The following VPS13D variants were observed in gnomAD, a reference collection of about 807,000 sequenced individuals.
VPS13D encodes the protein vacuolar protein sorting 13 homolog D.
VPS13D carries 187 observed loss-of-function variants against 461.9 expected under a neutral mutation model. That is an observed-to-expected ratio of 0.40 (90% CI 0.36 to 0.46). The LOEUF is 0.46. Among genes scored for constraint, VPS13D ranks in the 20% least tolerant of loss-of-function variants. The probability of loss-of-function intolerance (pLI) is 0.60; values close to 1 mark genes in which losing one functional copy is unlikely to be tolerated. For synonymous variants in VPS13D, 1,951 were observed against 1,986.3 expected (o/e 0.98, Z 0.47); for missense variants, 4,711 against 5,364.9 (o/e 0.88, Z 3.81).
intron 17 of VPS13D, among the ~76,000 whole-genome samples, 153 bp downstream of exon 17, chr1:12,271,277 T>C (rs539019282): frequency 1.3e-5 from 2 of 152,244 alleles, no homozygotes; most frequent in Non-Finnish European, 2.9e-5. Flanking sequence ...TAGCATAGAA[T>C]AGAATCTTGT....
At chr1:12,396,401 GA>G (rs1262369800) in intron 60 of VPS13D, among the ~76,000 whole-genome samples, 2 of 152,090 alleles carry the variant, frequency 1.3e-5, no homozygotes, top group African/African-American at 4.8e-5. Context: ...TCGGAGTTCT[GA>G]AAAAGTCGAC....
chr1:12,338,391 G>A, intron 40 of VPS13D, 86 bp downstream of exon 40: 1 of 1,187,204 alleles, frequency 8.4e-7, no homozygotes, highest in Non-Finnish European at 1.2e-6. Flanking sequence ...ATGAGTGGGA[G>A]TTGAATTGGG....
chr1:12,338,258 G>A lies in VPS13D; in HGVS notation c.8579G>A (p.Arg2860Lys), dbSNP rs766758479. The change falls in exon 40 of 70, where the codon AGG (arginine) becomes AAG (lysine). Residue 2860 changes from arginine (R) to lysine (K), a missense_variant. Physicochemically the swap from Arg to Lys is conservative, Grantham distance 26. This residue lies in a region of VPS13D where 4,411 missense variants were observed against 4,937.8 expected (regional missense o/e 0.89). Transcript: ENST00000620676. The part of the protein sequence containing the change: ...QSLPLVYLRT[R>K]STASLTNLEH... ...CTCCCCCTTGTCTACCTTAGAACTAGGAGTACAGCCAGTCTGACTAACCTA... is the reference window on the plus strand; with the variant it reads ...CTCCCCCTTGTCTACCTTAGAACTAAGAGTACAGCCAGTCTGACTAACCTA... 2.5e-6 allele frequency: 4 copies of A among 1,613,660 alleles called. No individual in the cohort carries two copies. The highest frequency in any genetic ancestry group is 3.4e-6 in the Non-Finnish European group (4 of 1,179,746).
chr1:12,255,551 C>CT (rs967054700), intron 7 of VPS13D, among the ~76,000 whole-genome samples: 8 of 148,634 alleles, frequency 5.4e-5, no homozygotes, highest in South Asian at 2.1e-4. Context: ...GATATTTGAC[C>CT]TTTTTTTTTT....
intron 65 of VPS13D, among the ~76,000 whole-genome samples, chr1:12,429,082 G>C (rs1200857976): frequency 6.6e-6 from 1 of 151,876 alleles, no homozygotes; most frequent in Non-Finnish European, 1.5e-5. Flanking sequence ...ACCCTGTGGA[G>C]GGGGGCCAGG....
chr1:12,325,139 A>G (rs1643146404), intron 35 of VPS13D, among the ~76,000 whole-genome samples: 1 of 152,152 alleles, frequency 6.6e-6, no homozygotes, highest in Non-Finnish European at 1.5e-5. Context: ...GCTGGAATGC[A>G]ATCATAGCTG....
chr1:12,267,028 G>A lies in VPS13D; in HGVS notation c.1725+17G>A. On this transcript the variant is annotated intron_variant, in intron 14 of 69. Transcript: ENST00000620676. ...CCTAATCCAGTATGTACAACAGTTG[G>A]ATAGTTAATGTATCTAAGGTGTTGG... is the stretch of plus-strand genomic sequence containing the variant. The A allele has an allele frequency of 6.4e-7, 1 of 1,551,632 alleles. No individual in the cohort carries two copies. Among genetic ancestry groups the A allele is most frequent in the East Asian group, 2.3e-5 (1 of 43,602 alleles).
chr1:12,252,661 A>G (rs781570234), intron 6 of VPS13D, among the ~76,000 whole-genome samples: 5 of 151,908 alleles, frequency 3.3e-5, no homozygotes, highest in Admixed American at 6.6e-5. Context: ...AGTCCCAGCT[A>G]CTTGGGAGGC....
At position 12,314,184 on chromosome 1, in the gene VPS13D, T is replaced by A; in HGVS notation, c.7005T>A (p.Val2335=). 6.2e-7 allele frequency: 1 copy of A among 1,614,202 alleles called. No homozygotes were observed. Among genetic ancestry groups the A allele is most frequent in the Non-Finnish European group, 8.5e-7 (1 of 1,180,024 alleles). The part of the protein sequence containing the change: ...FSNQTKSINL[V]SHSMMAFDTR... ...ACCAAACCAAGTCCATTAACTTGGT[T>A]TCCCATTCCATGATGGCTTTTGACA... is the stretch of plus-strand genomic sequence containing the variant. Residue 2335 remains valine (V), a synonymous_variant, in exon 30 of 70, where the codon GTT becomes GTA. Transcript: ENST00000620676.
intron 2 of VPS13D, among the ~76,000 whole-genome samples, chr1:12,242,201 G>A (rs1211008023): frequency 1.3e-5 from 2 of 152,174 alleles, no homozygotes; most frequent in South Asian, 2.1e-4. Context: ...TCTCATGTAC[G>A]TGTTAGAGCG....
rs1392181872 is a variant in VPS13D, at chr1:12,511,223, C to G, written c.*2199C>G. The G allele has an allele frequency of 6.6e-6, 1 of 152,100 alleles. No homozygotes were observed. The highest frequency in any genetic ancestry group is 1.5e-5 in the Non-Finnish European group (1 of 68,022). The allele number at this position is 152,100 out of a possible 1,614,324, so 9.4% of individuals were successfully genotyped here. On this transcript the variant is annotated 3_prime_UTR_variant, in exon 70 of 70. Coordinates refer to ENST00000620676, the MANE Select transcript of VPS13D (RefSeq NM_015378.4). This position sits in a 1 kb window ranked among gnomAD's most constrained non-coding sequence, Gnocchi z 4.5. The stretch of plus-strand genomic sequence containing the variant: ...CTGCCCATCTCCTGTGATTGCACAA[C>G]CAAGCACTTTGACATTTGCACCTTA...
chr1:12,328,752 C>A (rs762049951), intron 36 of VPS13D, among the ~76,000 whole-genome samples: 1 of 152,124 alleles, frequency 6.6e-6, no homozygotes, highest in Non-Finnish European at 1.5e-5. Flanking sequence ...GTTGGTCAGG[C>A]CTGTCTCGAC....
Position 12,277,836 on chromosome 1 carries a change from A to C in VPS13D, c.4248A>C (p.Glu1416Asp). The C allele has an allele frequency of 6.2e-7, 1 of 1,614,060 alleles. No individual in the cohort carries two copies. Among genetic ancestry groups the C allele is most frequent in the Non-Finnish European group, 8.5e-7 (1 of 1,179,966 alleles). ...AGAATTTTGTGGCGGGAGATGATGAATCCAGAAGTGACCGTCTGCAGGTGG... is the reference window on the plus strand; with the variant it reads ...AGAATTTTGTGGCGGGAGATGATGACTCCAGAAGTGACCGTCTGCAGGTGG... ...FIQNFVAGDD[E>D]SRSDRLQVEI... The change falls in exon 19 of 70, where the codon GAA (glutamate) becomes GAC (aspartate). Residue 1416 changes from glutamate to aspartate, a missense_variant. Physicochemically the swap from Glu to Asp is conservative, Grantham distance 45. Coordinates refer to ENST00000620676, the MANE Select transcript of VPS13D (RefSeq NM_015378.4).
At chr1:12,416,881 G>C (rs1644800619) in intron 65 of VPS13D, 54 bp downstream of exon 65, 11 of 1,502,322 alleles carry the variant, frequency 7.3e-6, no homozygotes, top group Non-Finnish European at 8.9e-6. Context: ...GTCCTCTACA[G>C]TACTACAATT....
intron 54 of VPS13D, among the ~76,000 whole-genome samples, chr1:12,370,635 C>T (rs898043683): frequency 6.6e-5 from 10 of 152,062 alleles, no homozygotes; most frequent in Admixed American, 2.0e-4. Context: ...CCTTTGGGAA[C>T]GATGGTGCTA....
At chr1:12,365,014 A>C (rs1044918400) in intron 52 of VPS13D, among the ~76,000 whole-genome samples, 1 of 152,176 alleles carries the variant, frequency 6.6e-6, no homozygotes, top group Non-Finnish European at 1.5e-5. Flanking sequence ...TTTATTGAAA[A>C]GACTCTCCTT....
intron 2 of VPS13D, 61 bp from the exon 3 acceptor site, chr1:12,242,452 A>G: frequency 6.9e-7 from 1 of 1,449,776 alleles, no homozygotes. Flanking sequence ...TGCTTTACAC[A>G]CAGTAGGTGG....
At chr1:12,240,424 GTC>G (rs920077451) in intron 2 of VPS13D, among the ~76,000 whole-genome samples, 3 of 151,830 alleles carry the variant, frequency 2.0e-5, no homozygotes, top group Admixed American at 6.6e-5. Flanking sequence ...GTGAAACCCT[GTC>G]TCTACTAAAA....
chr1:12,362,909 C>A (rs1643971944), intron 51 of VPS13D, 59 bp downstream of exon 51: 26 of 1,608,514 alleles, frequency 1.6e-5, no homozygotes, highest in Non-Finnish European at 2.2e-5. Context: ...GTTTTAATGT[C>A]ATCTTCTGTG....
Sources: gnomAD v4.1 joint callset for allele counts (sites outside exome capture counted in the v4.1 genomes callset) on GRCh38, gnomAD v4.1.1 for gene constraint, gnomAD v4.1.1 regional missense constraint, Gnocchi (gnomAD v3.1) non-coding constraint, MANE v1.5 for transcripts, NCBI Gene and HGNC (gene_info 2026-07-23, HGNC 2026-07-21) for gene names.